RBFOX1: variants seen among roughly 807,000 people sequenced by gnomAD.
The protein encoded by RBFOX1 is RNA binding protein fox-1 homolog 1.
Under a neutral mutation model 57.7 loss-of-function variants are expected in RBFOX1, and 8 were observed. The observed-to-expected ratio is 0.14, with a 90% confidence interval of 0.08 to 0.25. The LOEUF (loss-of-function observed/expected upper bound fraction) is 0.25. Among genes scored for constraint, RBFOX1 ranks in the 10% least tolerant of loss-of-function variants. The pLI is 1.00. For missense variants in RBFOX1, 611 were observed against 548.5 expected (o/e 1.11, Z -1.14); for synonymous variants, 326 against 222.4 (o/e 1.47, Z -4.15).
intron 4 of RBFOX1, among the ~76,000 whole-genome samples, chr16:7,396,919 C>T (rs545883510): frequency 6.6e-6 from 1 of 152,012 alleles, no homozygotes; most frequent in Non-Finnish European, 1.5e-5. Flanking sequence ...CCGGCCTGGG[C>T]TATAGGGTGA....
intron 1 of RBFOX1, among the ~76,000 whole-genome samples, chr16:6,139,353 C>A (rs1238448519): frequency 6.6e-6 from 1 of 152,180 alleles, no homozygotes; most frequent in East Asian, 1.9e-4. Context: ...GAGGTCCCAA[C>A]TCTGCTGCTT....
At chr16:5,996,748 C>A (rs2060497195) in intron 4 of RBFOX1, among the ~76,000 whole-genome samples, 1 of 152,092 alleles carries the variant, frequency 6.6e-6, no homozygotes, top group Non-Finnish European at 1.5e-5. Context: ...CTCACAGCTC[C>A]CCTGCAGGAA....
rs144054218 is a variant in RBFOX1 at position 7,458,092 on chromosome 16, A to G, written c.28-60055A>G. On this transcript the variant is annotated intron_variant, in intron 4 of 15. Coordinates refer to ENST00000550418, the MANE Select transcript of RBFOX1 (RefSeq NM_018723.4). ...CTGATTCACCTTCCAAATCAGAACA[A>G]AGCTTCCTGTTCTTTGCCGTATTCC... Among the ~76,000 whole-genome samples, 17 of 152,168 alleles carry G rather than the reference A, an allele frequency of 1.1e-4. No individual in the cohort carries two copies. The East Asian group carries it at 1.4e-3, about 12-fold the overall frequency.
chr16:6,500,890 T>G lies in RBFOX1; in HGVS notation c.-63-153713T>G, dbSNP rs1375101214. Among the ~76,000 whole-genome samples, 13 of 138,490 alleles carry G rather than the reference T, an allele frequency of 9.4e-5. No individual in the cohort carries two copies. In the East Asian group the frequency reaches 2.4e-3, roughly 25 times the overall value. 90.9% of individuals were successfully genotyped at this position (138,490 alleles called of 152,430 possible). On this transcript the variant is annotated intron_variant, in intron 2 of 15. Coordinates refer to ENST00000550418, the MANE Select transcript of RBFOX1 (RefSeq NM_018723.4). ...CTTGGGGAGTAGTTTTTTTTTTTTT[T>G]TTTTTTTTTTTAATGCTGAGACATC...
At chr16:6,153,033 G>GTTTTTTTTTTTTTTTTTTTTTTTT (rs59957159) in intron 1 of RBFOX1, among the ~76,000 whole-genome samples, 2 of 128,136 alleles carry the variant, frequency 1.6e-5, no homozygotes, top group African/African-American at 5.7e-5. Flanking sequence ...GTTATTTTCT[G>GTTTTTTTTTTTTTTTTTTTTTTTT]TTTTTTTTTT....
intron 2 of RBFOX1, among the ~76,000 whole-genome samples, chr16:5,594,820 A>G (rs190814901): frequency 7.2e-5 from 11 of 152,006 alleles, no homozygotes; most frequent in East Asian, 1.9e-4. Context: ...TTACATGTCT[A>G]TGTAAGTATT....
chr16:7,372,139 G>T (rs934463428), intron 4 of RBFOX1, among the ~76,000 whole-genome samples: 1 of 152,128 alleles, frequency 6.6e-6, no homozygotes, highest in Non-Finnish European at 1.5e-5. Context: ...TCCATTTAAA[G>T]ATGTGATTCA....
chr16:5,418,644 T>G (rs1410997501), intron 1 of RBFOX1, among the ~76,000 whole-genome samples: 2 of 152,118 alleles, frequency 1.3e-5, no homozygotes, highest in Non-Finnish European at 2.9e-5. Context: ...CATACCTCCC[T>G]TGTCCTCGCT....
intron 5 of RBFOX1, among the ~76,000 whole-genome samples, chr16:7,549,503 T>C (rs2085660650): frequency 6.6e-6 from 1 of 152,076 alleles, no homozygotes; most frequent in Non-Finnish European, 1.5e-5. Flanking sequence ...ACTCACGTGA[T>C]TACAATAGGT....
At chr16:5,591,236 C>A (rs9928801) in intron 2 of RBFOX1, among the ~76,000 whole-genome samples, 29,713 of 151,078 alleles carry the variant, frequency 0.2, 3,361 homozygotes, top group East Asian at 0.32. Flanking sequence ...CATCCTTTTC[C>A]TTCTCCAAAA....
intron 4 of RBFOX1, among the ~76,000 whole-genome samples, chr16:5,949,261 C>G (rs774753500): frequency 1.1e-4 from 16 of 152,066 alleles, no homozygotes; most frequent in Non-Finnish European, 1.5e-4. Context: ...TTCTAGCTAT[C>G]TTTAAAAAAA....
chr16:5,906,306 A>G (rs1200804760), intron 4 of RBFOX1, among the ~76,000 whole-genome samples: 3 of 152,188 alleles, frequency 2.0e-5, no homozygotes, highest in Admixed American at 1.3e-4. Flanking sequence ...TAAAAAGGGG[A>G]AATTTGGACA....
chr16:6,581,452 G>T (rs1465187591), intron 2 of RBFOX1, among the ~76,000 whole-genome samples: 1 of 152,190 alleles, frequency 6.6e-6, no homozygotes, highest in African/African-American at 2.4e-5. Context: ...TGTGTTGGCT[G>T]TTGTTTTGGG....
intron 3 of RBFOX1, among the ~76,000 whole-genome samples, chr16:6,756,233 C>G (rs750479875): frequency 1.3e-5 from 2 of 152,104 alleles, no homozygotes; most frequent in African/African-American, 2.4e-5. Flanking sequence ...AGGACACCCT[C>G]TTCAATAAGT....
At chr16:7,582,832 C>G (rs1567951002) in intron 6 of RBFOX1, among the ~76,000 whole-genome samples, 1 of 152,092 alleles carries the variant, frequency 6.6e-6, no homozygotes, top group Non-Finnish European at 1.5e-5. Context: ...CCCTTTGTCT[C>G]TTGTTAAATA....
intron 4 of RBFOX1, among the ~76,000 whole-genome samples, chr16:7,257,298 C>T (rs999190856): frequency 4.6e-5 from 7 of 152,140 alleles, no homozygotes; most frequent in Admixed American, 3.9e-4. Context: ...TCCCAGAACC[C>T]ACACGCTTCC....
intron 1 of RBFOX1, among the ~76,000 whole-genome samples, chr16:6,144,425 A>T (rs750588227): frequency 5.9e-5 from 9 of 152,194 alleles, no homozygotes; most frequent in Non-Finnish European, 8.8e-5. Flanking sequence ...CAATAAACCT[A>T]TTAAAAGCAT....
Position 7,658,433 on chromosome 16 carries a change from A to G in RBFOX1, c.890+4486A>G, listed in dbSNP as rs551410726. ...TTTTCCTTATTTCTCCTTGCATTTG[A>G]TCCTGGACTCAATTTGACTGAGAAG... On this transcript the variant is annotated intron_variant, in intron 12 of 15. Coordinates refer to ENST00000550418, the MANE Select transcript of RBFOX1 (RefSeq NM_018723.4). 5.9e-5 allele frequency among the ~76,000 whole-genome samples: 9 copies of G among 152,078 alleles called. No individual in the cohort carries two copies. In the South Asian group the frequency reaches 1.9e-3, roughly 32 times the overall value.
intron 2 of RBFOX1, among the ~76,000 whole-genome samples, chr16:6,567,893 T>G (rs1229427304): frequency 6.6e-6 from 1 of 152,156 alleles, no homozygotes; most frequent in African/African-American, 2.4e-5. Context: ...AGATTACAGT[T>G]TGCTGGAGCC....
Sources: allele counts gnomAD v4.1 joint callset (sites outside exome capture counted in the v4.1 genomes callset), GRCh38; gene constraint gnomAD v4.1.1; transcripts MANE v1.5; gene names NCBI Gene and HGNC (gene_info 2026-07-23, HGNC 2026-07-21).